The following REXO4 variants were observed in gnomAD, a reference collection of about 807,000 sequenced individuals.
The protein encoded by REXO4 is RNA exonuclease 4, also known as REX4 homolog, 3'-5' exonuclease.
Under a neutral mutation model 39.9 loss-of-function variants are expected in REXO4, and 29 were observed. That is an observed-to-expected ratio of 0.73 (90% CI 0.54 to 0.99). REXO4 has a LOEUF of 0.99. Ranked by LOEUF, REXO4 falls within the 50% of genes least tolerant of loss-of-function variation. REXO4 has a pLI of 0.00. For missense variants in REXO4, 524 were observed against 546.5 expected, an observed-to-expected ratio of 0.96 and a Z score of 0.41; for synonymous variants, 184 against 206.2, an observed-to-expected ratio of 0.89 and a Z score of 0.92.
At position 133,407,827 on chromosome 9, in the gene REXO4, G is replaced by A; in HGVS notation, c.1129C>T (p.Gln377Ter). ...LSEKILGLQV[Q>*]QAEHCSIQDA... ...CTTACTGAACAGTGCTCCGCCTGCT[G>A]GACCTGGAGCCCAAGGATCTTCTCT... Residue 377 changes from glutamine to a stop codon, truncating the protein, a stop_gained, in exon 7 of 8, where the codon CAG (glutamine) becomes TAG (stop). Transcript: ENST00000371942. LOFTEE classifies it low-confidence loss of function (END_TRUNC). 6.2e-7 allele frequency: 1 copy of A among 1,613,928 alleles called. No homozygotes were observed. Among genetic ancestry groups the A allele is most frequent in the South Asian group, 1.1e-5 (1 of 91,070 alleles).
chr9:133,411,550 C>A (rs1038693981), intron 4 of REXO4, among the ~76,000 whole-genome samples: 1 of 152,242 alleles, frequency 6.6e-6, no homozygotes, highest in Non-Finnish European at 1.5e-5. Context: ...CACCCCACCA[C>A]CAACCCCACT....
chr9:133,417,012 T>C (rs1554781720), intron 1 of REXO4, among the ~76,000 whole-genome samples: 1 of 152,206 alleles, frequency 6.6e-6, no homozygotes, highest in Non-Finnish European at 1.5e-5. Flanking sequence ...CAGTGTGTTC[T>C]TTCGTTGTTG....
Position 133,407,075 on chromosome 9 carries a change from A to T in REXO4, c.1150-3T>A, listed in dbSNP as rs889986335. ...ATTGCTGCCTGGGCATCCTGAATCT[A>T]GACGACATGAAACATCCCAGCAGGT... On this transcript the variant is annotated splice_region_variant and splice_polypyrimidine_tract_variant and intron_variant, in intron 7 of 7. Coordinates refer to ENST00000371942, the MANE Select transcript of REXO4 (RefSeq NM_020385.4). 2 of 1,612,564 alleles carry T rather than the reference A, an allele frequency of 1.2e-6. No individual in the cohort carries two copies. Among genetic ancestry groups the T allele is most frequent in the African/African-American group, 2.7e-5 (2 of 74,914 alleles).
At chr9:133,415,275 C>G (rs994767012) in intron 1 of REXO4, among the ~76,000 whole-genome samples, 2 of 152,164 alleles carry the variant, frequency 1.3e-5, no homozygotes, top group African/African-American at 4.8e-5. Flanking sequence ...TACAAAATGT[C>G]AAACTCATTC....
At chr9:133,418,013 C>A (rs1038173252), upstream of REXO4, 1 of 630,830 alleles carries the variant, frequency 1.6e-6, no homozygotes, top group Non-Finnish European at 2.7e-6. Flanking sequence ...TTGCGCATAC[C>A]TCAGCACGCA....
At position 133,414,807 on chromosome 9, in the gene REXO4, C is replaced by G. The variant is rs370869145; in HGVS notation, c.430G>C (p.Val144Leu). The G allele has an allele frequency of 9.9e-6, 16 of 1,614,234 alleles. No homozygotes were observed. Among genetic ancestry groups the G allele is most frequent in the Admixed American group, 1.7e-5 (1 of 60,030 alleles). Residue 144 changes from valine (V) to leucine (L), a missense_variant, in exon 2 of 8, where the codon GTA becomes CTA. Val to Leu is a conservative substitution (Grantham distance 32). Coordinates refer to ENST00000371942, the MANE Select transcript of REXO4 (RefSeq NM_020385.4). The part of the protein sequence containing the change: ...SGSKMDRRAP[V>L]PRTKASGTEH... Reference sequence around the variant, plus strand: ...GTTCCACTGGCCTTGGTGCGAGGTACTGGCGCCCTCCTGTCCATCTTGGAA... The same window carrying G: ...GTTCCACTGGCCTTGGTGCGAGGTAGTGGCGCCCTCCTGTCCATCTTGGAA...
intron 2 of REXO4, among the ~76,000 whole-genome samples, chr9:133,413,246 G>A (rs1019522182): frequency 1.3e-5 from 2 of 151,856 alleles, no homozygotes; most frequent in Non-Finnish European, 2.9e-5. Context: ...TTTTACAGGC[G>A]CCCACTGCCA....
In REXO4 at chr9:133,412,248, G is replaced by T. The variant is rs782304275; in HGVS notation, c.910+51C>A. 8.3e-6 allele frequency: 13 copies of T among 1,570,126 alleles called. No homozygotes were observed. In the East Asian group the frequency reaches 2.9e-4, roughly 35 times the overall value. ...GAAAAGGGAACAAAAGGGAGAAAACGAATCCAGTTACTACTTTCCCTTCTA... is the reference window on the plus strand; with the variant it reads ...GAAAAGGGAACAAAAGGGAGAAAACTAATCCAGTTACTACTTTCCCTTCTA... On this transcript the variant is annotated intron_variant, in intron 4 of 7. Coordinates refer to ENST00000371942, the MANE Select transcript of REXO4 (RefSeq NM_020385.4).
At chr9:133,416,663 C>T (rs1839629006) in intron 1 of REXO4, among the ~76,000 whole-genome samples, 1 of 152,220 alleles carries the variant, frequency 6.6e-6, no homozygotes, top group Non-Finnish European at 1.5e-5. Flanking sequence ...TACAGAAGTG[C>T]AGGTCACTAG....
intron 7 of REXO4, 97 bp downstream of exon 7, chr9:133,407,710 G>T (rs1030171074): frequency 2.3e-6 from 2 of 879,576 alleles, no homozygotes; most frequent in Non-Finnish European, 3.5e-6. Flanking sequence ...AGGTGCCCAA[G>T]CCCCACCTCC....
chr9:133,415,937 G>A (rs1839570668), intron 1 of REXO4: 1 of 152,440 alleles, frequency 6.6e-6, no homozygotes, highest in Non-Finnish European at 1.5e-5. Context: ...GGCTGAGGTG[G>A]GAGGATTGCT....
chr9:133,406,923 C>T lies in REXO4; in HGVS notation c.*30G>A, dbSNP rs782642158. On this transcript the variant is annotated 3_prime_UTR_variant, in exon 8 of 8. Coordinates refer to ENST00000371942, the MANE Select transcript of REXO4 (RefSeq NM_020385.4). The stretch of plus-strand genomic sequence containing the variant: ...GTGACTGGTCACATTGCCTCTGTAG[C>T]GGGGCGGCAGCAGCAGCAGGGCAGG... 10 of 1,606,672 alleles carry T rather than the reference C, an allele frequency of 6.2e-6. No individual in the cohort carries two copies. Among genetic ancestry groups the T allele is most frequent in the Middle Eastern group, 1.7e-4 (1 of 5,944 alleles).
intron 5 of REXO4, among the ~76,000 whole-genome samples, chr9:133,409,959 A>C (rs1839126647): frequency 6.6e-6 from 1 of 152,230 alleles, no homozygotes; most frequent in Admixed American, 6.5e-5. Flanking sequence ...CCACGGCAGC[A>C]GTCTCTGAGG....
intron 5 of REXO4, among the ~76,000 whole-genome samples, chr9:133,410,529 G>A (rs1378528222): frequency 6.6e-6 from 1 of 152,268 alleles, no homozygotes; most frequent in East Asian, 1.9e-4. Context: ...GGCTGCCCCA[G>A]GCGGGATTTT....
intron 4 of REXO4, among the ~76,000 whole-genome samples, chr9:133,411,815 A>G (rs902432711): frequency 2.0e-5 from 3 of 151,888 alleles, no homozygotes; most frequent in Non-Finnish European, 4.4e-5. Flanking sequence ...AATCCCAGCT[A>G]CTCGGGAGGC....
intron 2 of REXO4, 61 bp downstream of exon 2, chr9:133,414,604 A>G: frequency 6.8e-7 from 1 of 1,464,050 alleles, no homozygotes; most frequent in Non-Finnish European, 9.6e-7. Flanking sequence ...CTCCATAAGG[A>G]GACAGGCCTT....
intron 6 of REXO4, among the ~76,000 whole-genome samples, chr9:133,408,288 TAAAAAAATAAAAATAA>T (rs1437191292): frequency 2.0e-5 from 3 of 151,800 alleles, no homozygotes; most frequent in Admixed American, 2.0e-4. Flanking sequence ...ACCCTATCTC[TAAAAAAATAAAAATAA>T]AAAAATTAGC....
intron 4 of REXO4, among the ~76,000 whole-genome samples, chr9:133,411,348 A>G (rs1295278627): frequency 6.6e-6 from 1 of 152,212 alleles, no homozygotes; most frequent in Non-Finnish European, 1.5e-5. Flanking sequence ...GCTGGAGGAG[A>G]GCATATGTTG....
intron 2 of REXO4, 137 bp downstream of exon 2, chr9:133,414,528 C>T (rs782279454): frequency 1.4e-5 from 11 of 813,574 alleles, no homozygotes; most frequent in African/African-American, 1.0e-4. Context: ...CAAGTAACAG[C>T]GAGTAAACAA....
Sources: allele counts gnomAD v4.1 joint callset (sites outside exome capture counted in the v4.1 genomes callset), GRCh38; gene constraint gnomAD v4.1.1; transcripts MANE v1.5; gene names NCBI Gene and HGNC (gene_info 2026-07-23, HGNC 2026-07-21).